The following LRRC56 variants were observed in gnomAD, a reference collection of about 807,000 sequenced individuals.
LRRC56 encodes leucine rich repeat containing 56.
In LRRC56, 41 loss-of-function variants were observed where a neutral mutation model predicts 47.8. That is an observed-to-expected ratio of 0.86 (90% CI 0.67 to 1.11). The LOEUF (loss-of-function observed/expected upper bound fraction) is 1.11, where lower values mean the gene tolerates loss of function less well. LRRC56 is among the 50% of genes most tolerant of loss of function. LRRC56 has a pLI of 0.00. For missense variants in LRRC56, 759 were observed against 704.2 expected, an observed-to-expected ratio of 1.08 and a Z score of -0.88; for synonymous variants, 387 against 311.2, an observed-to-expected ratio of 1.24 and a Z score of -2.56.
At chr11:552,996 A>G (rs916683326) in intron 13 of LRRC56, among the ~76,000 whole-genome samples, 3 of 152,184 alleles carry the variant, frequency 2.0e-5, no homozygotes, top group African/African-American at 4.8e-5. Flanking sequence ...AGTCCAGAGG[A>G]GTCGGGACAG....
intron 5 of LRRC56, among the ~76,000 whole-genome samples, chr11:544,160 A>G (rs138185143): frequency 6.6e-6 from 1 of 152,342 alleles, no homozygotes; most frequent in Non-Finnish European, 1.5e-5. Flanking sequence ...TGGGCTGTGC[A>G]GAAACACAGG....
In LRRC56 at chr11:550,113, A is replaced by C. The variant is rs1247044395; in HGVS notation, c.465A>C (p.Pro155=). ...ACAACAACATCTCGGACCTGAGCCC[A>C]CTGTGCCTGCTGGAACAATTGGAGG... ...ASYNNISDLS[P]LCLLEQLEVL... Residue 155 remains proline, a synonymous_variant, in exon 8 of 14, where the codon CCA becomes CCC. Coordinates refer to ENST00000270115, the MANE Select transcript of LRRC56 (RefSeq NM_198075.4). 6.2e-7 allele frequency: 1 copy of C among 1,613,320 alleles called. No homozygotes were observed. The highest frequency in any genetic ancestry group is 1.3e-5 in the African/African-American group (1 of 74,930).
chr11:544,636 G>C, intron 5 of LRRC56, 84 bp from the exon 6 acceptor site: 7 of 1,401,024 alleles, frequency 5.0e-6, no homozygotes, highest in Non-Finnish European at 7.1e-6. Context: ...GGGGCCGGGG[G>C]TGCTGATGCC....
chr11:552,120 C>T lies in LRRC56; in HGVS notation c.1069C>T (p.His357Tyr). 1 of 1,612,470 alleles carries T rather than the reference C, an allele frequency of 6.2e-7. No individual in the cohort carries two copies. Among genetic ancestry groups the T allele is most frequent in the Non-Finnish European group, 8.5e-7 (1 of 1,179,734 alleles). The change falls in exon 12 of 14, where the codon CAC becomes TAC. Residue 357 changes from histidine (H) to tyrosine (Y), a missense_variant. Transcript: ENST00000270115. ...GGAGCCCCCCGAGCAGCTGCCCCAA[C>T]ACAGGCCAGGAGATCCGGCCGCCAG... ...AREPPEQLPQ[H>Y]RPGDPAASTS...
chr11:532,656 A>C (rs1589789436), upstream of LRRC56: 5 of 1,612,558 alleles, frequency 3.1e-6, no homozygotes, highest in East Asian at 1.1e-4. Flanking sequence ...ACACACTTGC[A>C]GCTCATGCAG....
Position 552,633 on chromosome 11 carries a change from A to G in LRRC56, c.1246A>G (p.Arg416Gly). 1 of 1,611,000 alleles carries G rather than the reference A, an allele frequency of 6.2e-7. No individual in the cohort carries two copies. Among genetic ancestry groups the G allele is most frequent in the Non-Finnish European group, 8.5e-7 (1 of 1,178,924 alleles). ...EGAVAPWGPR[R>G]VPEEQVHQAE... ...GGCTGTAGCCCCCTGGGGCCCACGG[A>G]GGGTCCCTGAAGAGCAAGTGCACCA... Residue 416 changes from arginine (R) to glycine (G), a missense_variant, in exon 13 of 14, where the codon AGG becomes GGG. Physicochemically the swap from Arg to Gly is moderately radical, Grantham distance 125. Transcript: ENST00000270115.
intron 9 of LRRC56, 122 bp downstream of exon 9, chr11:551,424 C>T (rs1589817735): frequency 1.5e-5 from 12 of 808,562 alleles, no homozygotes; most frequent in South Asian, 1.8e-5. Context: ...GCCTTGACCC[C>T]GGTCCCCAGA....
In LRRC56 at chr11:554,866, G is replaced by C. The variant is rs1174673708; in HGVS notation, c.*590G>C. ...TTCCAGCTCTCAGGTGTACAGAAAT[G>C]CGGTTTACTTTGTAGGCCACGTTGG... is the stretch of plus-strand genomic sequence containing the variant. On this transcript the variant is annotated 3_prime_UTR_variant, in exon 14 of 14. Transcript: ENST00000270115. The C allele has an allele frequency of 2.8e-6, 2 of 724,976 alleles. No homozygotes were observed. The highest frequency in any genetic ancestry group is 4.2e-6 in the Non-Finnish European group (2 of 477,072). The allele number at this position is 724,976 out of a possible 1,614,324, so 44.9% of individuals were successfully genotyped here. A position where few individuals can be genotyped will look rare whatever the true frequency, so the allele number is the denominator to read the frequency against.
At chr11:509,103 C>G in the LRRC56 span, among the ~76,000 whole-genome samples, 1 of 152,084 alleles carries the variant, frequency 6.6e-6, no homozygotes, top group African/African-American at 2.4e-5. Context: ...CACACACACA[C>G]ACCCCCAAGA....
chr11:547,938 C>A (rs968811206), intron 6 of LRRC56, among the ~76,000 whole-genome samples: 1 of 151,794 alleles, frequency 6.6e-6, no homozygotes, highest in African/African-American at 2.4e-5. Context: ...CCAGCCTGGC[C>A]AAGATGGTGA....
upstream of LRRC56, chr11:534,110 G>A: frequency 5.1e-6 from 6 of 1,182,584 alleles, no homozygotes; most frequent in South Asian, 1.2e-5. Context: ...CAGGGCCACA[G>A]CACCATGCAG....
the LRRC56 span, chr11:506,793 A>C: frequency 2.6e-5 from 4 of 152,276 alleles, no homozygotes; most frequent in Non-Finnish European, 4.4e-5. Flanking sequence ...CTTGACGGCC[A>C]CGTGAGGACG....
the LRRC56 span, among the ~76,000 whole-genome samples, chr11:514,580 C>T: frequency 6.6e-6 from 1 of 151,162 alleles, no homozygotes; most frequent in Non-Finnish European, 1.5e-5. Flanking sequence ...TGTGCCCAGC[C>T]TATTATTATT....
chr11:534,721 G>A, upstream of LRRC56: 1 of 287,868 alleles, frequency 3.5e-6, no homozygotes, highest in Non-Finnish European at 6.8e-6. Flanking sequence ...CCGTCCTCCA[G>A]AACAGGTCTG....
the LRRC56 span, among the ~76,000 whole-genome samples, chr11:518,555 C>T: frequency 6.6e-6 from 1 of 152,144 alleles, no homozygotes; most frequent in Admixed American, 6.5e-5. Context: ...CAACTCCTGA[C>T]TTCGTGATCC....
the LRRC56 span, among the ~76,000 whole-genome samples, chr11:511,388 T>A: frequency 6.6e-6 from 1 of 152,046 alleles, no homozygotes; most frequent in Admixed American, 6.6e-5. Flanking sequence ...GAATTCAACT[T>A]GATTGGTGGC....
upstream of LRRC56, chr11:533,536 G>C (rs369106578): frequency 1.2e-6 from 2 of 1,613,748 alleles, no homozygotes; most frequent in Non-Finnish European, 1.7e-6. Context: ...TCCACAGTGC[G>C]TGCAGCCAGG....
chr11:543,203 T>G (rs1851891775), intron 5 of LRRC56, among the ~76,000 whole-genome samples: 1 of 98,756 alleles, frequency 1.0e-5, no homozygotes, highest in Non-Finnish European at 2.0e-5. Flanking sequence ...CCTGGCCTGT[T>G]TTTTGTTTTT....
rs760588498 is a variant in LRRC56 at position 541,544 on chromosome 11, T to C, written c.185T>C (p.Leu62Pro). Reference protein sequence around the residue: ...EYLSPARLQALARVDDLRLVR... With the variant: ...EYLSPARLQAPARVDDLRLVR... ...CCCGGTTGGTTTCTACAGCAGGCCC[T>C]GGCCCGGGTGGATGACCTTCGGCTG... Residue 62 changes from leucine (L) to proline (P), a missense_variant, in exon 5 of 14, where the codon CTG becomes CCG. Coordinates refer to ENST00000270115, the MANE Select transcript of LRRC56 (RefSeq NM_198075.4). The surrounding 1 kb of genome is among the most constrained non-coding windows in gnomAD (Gnocchi z 4.1). The C allele has an allele frequency of 1.9e-6, 3 of 1,572,050 alleles. No individual in the cohort carries two copies. The highest frequency in any genetic ancestry group is 2.6e-6 in the Non-Finnish European group (3 of 1,157,158).
Sources: allele counts gnomAD v4.1 joint callset (sites outside exome capture counted in the v4.1 genomes callset), GRCh38; gene constraint gnomAD v4.1.1; non-coding constraint Gnocchi (gnomAD v3.1); transcripts MANE v1.5; gene names NCBI Gene and HGNC (gene_info 2026-07-23, HGNC 2026-07-21).